The following PDLIM2 variants were observed in gnomAD, a reference collection of about 807,000 sequenced individuals.
PDLIM2 encodes PDZ and LIM domain protein 2.
PDLIM2 carries 51 observed loss-of-function variants against 54.1 expected under a neutral mutation model. That is an observed-to-expected ratio of 0.94 (90% CI 0.75 to 1.19). The LOEUF (loss-of-function observed/expected upper bound fraction) is 1.19. PDLIM2 is among the 50% of genes most tolerant of loss of function. The pLI, the probability that PDLIM2 is intolerant of heterozygous loss-of-function variation, is 0.00. For synonymous variants in PDLIM2, 398 were observed against 385.6 expected (o/e 1.03, Z -0.38); for missense variants, 912 against 874.0 (o/e 1.04, Z -0.55).
chr8:22,579,394 C>A, exon 1 of PDLIM2: 3 of 1,506,598 alleles, frequency 2.0e-6, no homozygotes, highest in Non-Finnish European at 2.6e-6. Context: ...CCGGAGCGCT[C>A]CTCCTCCAGC....
At chr8:22,585,618 GC>G (rs1303518758) in intron 6 of PDLIM2, 1 of 63,652 alleles carries the variant, frequency 1.6e-5, no homozygotes, top group African/African-American at 4.0e-4. Flanking sequence ...GTGCCCAGTA[GC>G]CCGTCCATCT....
intron 3 of PDLIM2, among the ~76,000 whole-genome samples, chr8:22,583,392 C>G (rs1345937357): frequency 1.3e-5 from 2 of 152,150 alleles, no homozygotes; most frequent in African/African-American, 4.8e-5. Flanking sequence ...ACCGTGGGCT[C>G]TAGAACTTGA....
intron 3 of PDLIM2, 115 bp from the exon 3 acceptor site, chr8:22,584,706 T>C: frequency 1.0e-6 from 1 of 982,964 alleles, no homozygotes; most frequent in Non-Finnish European, 1.5e-6. Context: ...GATGTCCAAA[T>C]TTTCTGTAGC....
chr8:22,579,562 CG>C (rs758292114), intron 1 of PDLIM2: 4 of 1,436,858 alleles, frequency 2.8e-6, no homozygotes, highest in East Asian at 5.9e-5. Flanking sequence ...GAGCCGGCCT[CG>C]GGGACTGGGG....
intron 6 of PDLIM2, 88 bp downstream of exon 5, chr8:22,585,487 C>G: frequency 7.5e-7 from 1 of 1,324,910 alleles, no homozygotes; most frequent in Non-Finnish European, 1.1e-6. Context: ...TGCAGGCGGC[C>G]AGGCCCACCT....
Position 22,581,312 on chromosome 8 carries a change from A to G in PDLIM2, c.844-67A>G, listed in dbSNP as rs1340878298. On this transcript the variant is annotated intron_variant, in intron 2 of 9. Transcript: ENST00000308354. ...AAGCCAGCCTCTGTGTTTCTTGGGT[A>G]GCAGAGTGGGAAGTCCCTTCTCCAG... 5 of 1,528,648 alleles carry G rather than the reference A, an allele frequency of 3.3e-6. No individual in the cohort carries two copies. The South Asian group carries it at 3.6e-5, about 11-fold the overall frequency. 94.7% of individuals were successfully genotyped at this position (1,528,648 alleles called of 1,614,324 possible).
At chr8:22,587,094 G>A (rs1800401193) in intron 6 of PDLIM2, among the ~76,000 whole-genome samples, 1 of 152,190 alleles carries the variant, frequency 6.6e-6, no homozygotes, top group Non-Finnish European at 1.5e-5. Flanking sequence ...GCTGCTTCAT[G>A]TCAGACACTC....
Position 22,589,754 on chromosome 8 carries a change from G to T in PDLIM2, c.1513+13G>T. On this transcript the variant is annotated intron_variant, in intron 8 of 9. Transcript: ENST00000308354. ...GCTGAGGAGAGAGGTGAGGGTCTGGGGGGCTGGGGAGGGGAAGGAGGTTCC... is the reference window on the plus strand; with the variant it reads ...GCTGAGGAGAGAGGTGAGGGTCTGGTGGGCTGGGGAGGGGAAGGAGGTTCC... 9.0e-6 allele frequency: 14 copies of T among 1,559,532 alleles called. No individual in the cohort carries two copies. The highest frequency in any genetic ancestry group is 1.2e-5 in the Non-Finnish European group (14 of 1,151,502).
chr8:22,584,860 C>T, exon 4 of PDLIM2: 7 of 1,614,170 alleles, frequency 4.3e-6, no homozygotes, highest in Non-Finnish European at 5.9e-6. Context: ...ATGGGGACAG[C>T]TCCTTGGAAG....
chr8:22,592,077 C>CTTTTCTTTTCTTTTCTTTTTTTT (rs143613807), intron 9 of PDLIM2: 8 of 95,188 alleles, frequency 8.4e-5, no homozygotes, highest in African/African-American at 3.9e-4. Context: ...TCTTTCTTTT[C>CTTTTCTTTTCTTTTCTTTTTTTT]TTTTTTTTTT....
At chr8:22,595,183 T>G (rs1471818678), downstream of PDLIM2, 1 of 153,146 alleles carries the variant, frequency 6.5e-6, no homozygotes, top group African/African-American at 2.4e-5. Context: ...GCTCTCCGGC[T>G]CTTTGTGAAA....
At chr8:22,579,626 C>A in intron 1 of PDLIM2, 1 of 1,299,354 alleles carries the variant, frequency 7.7e-7, no homozygotes, top group Non-Finnish European at 9.9e-7. Context: ...GGAAGGCAGC[C>A]GGGGATGGAG....
intron 6 of PDLIM2, chr8:22,588,926 C>T (rs1447494973): frequency 1.5e-5 from 5 of 325,980 alleles, no homozygotes; most frequent in Non-Finnish European, 1.7e-5. Context: ...TCCGTGGGAT[C>T]GGAGCCAGGC....
At chr8:22,579,233 G>T in exon 1 of PDLIM2, 2 of 1,362,874 alleles carry the variant, frequency 1.5e-6, no homozygotes, top group Non-Finnish European at 1.9e-6. Flanking sequence ...AGGTGAGCGC[G>T]CCCACCTGCG....
At chr8:22,593,803 C>G (rs1415298889) in exon 10 of PDLIM2, 1 of 1,605,250 alleles carries the variant, frequency 6.2e-7, no homozygotes. Flanking sequence ...CGACTGTGGG[C>G]TGAACCTGAA....
chr8:22,589,130 TG>T, intron 6 of PDLIM2, 167 bp from the exon 6 acceptor site: 1 of 544,250 alleles, frequency 1.8e-6, no homozygotes, highest in Non-Finnish European at 3.3e-6. Flanking sequence ...CGGCGAGGGC[TG>T]GGAGCCCCCG....
At chr8:22,581,622 G>A in intron 3 of PDLIM2, 92 bp downstream of exon 2, 1 of 1,455,718 alleles carries the variant, frequency 6.9e-7, no homozygotes, top group Non-Finnish European at 9.1e-7. Flanking sequence ...ATGGGCTAGA[G>A]CTCAGCCCTA....
chr8:22,589,668 C>A (rs1049239476), exon 8 of PDLIM2: 2 of 1,582,154 alleles, frequency 1.3e-6, no homozygotes, highest in East Asian at 4.6e-5. Flanking sequence ...AGGAAAATCG[C>A]GAGGGACGGG....
intron 9 of PDLIM2, 59 bp from the exon 9 acceptor site, chr8:22,593,674 C>T: frequency 1.3e-6 from 2 of 1,481,546 alleles, no homozygotes; most frequent in Non-Finnish European, 1.8e-6. Context: ...GCCCCCTGGG[C>T]ATGGTGGCCT....
Sources: allele counts gnomAD v4.1 joint callset (sites outside exome capture counted in the v4.1 genomes callset), GRCh38; gene constraint gnomAD v4.1.1; transcripts MANE v1.5; gene names NCBI Gene and HGNC (gene_info 2026-07-23, HGNC 2026-07-21).